Variants in MYCBP2 observed in about 807,000 individuals in gnomAD.
MYCBP2 encodes E3 ubiquitin-protein ligase MYCBP2.
A neutral mutation model predicts 525.3 loss-of-function variants in MYCBP2; 120 were observed. The ratio of observed to expected loss-of-function variants is 0.23; its 90% confidence interval spans 0.20 to 0.27. The LOEUF (loss-of-function observed/expected upper bound fraction) is 0.27. Ranked by LOEUF, MYCBP2 falls within the 10% of genes least tolerant of loss-of-function variation. MYCBP2 has a pLI of 1.00. For synonymous variants in MYCBP2, 1,894 were observed against 1,955.8 expected (o/e 0.97, Z 0.83); for missense variants, 4,149 against 5,657.1 (o/e 0.73, Z 8.55).
intron 1 of MYCBP2, among the ~76,000 whole-genome samples, chr13:77,300,867 A>G (rs911225627): frequency 1.3e-5 from 2 of 152,224 alleles, no homozygotes; most frequent in African/African-American, 2.4e-5. Flanking sequence ...GAGGTGGAAG[A>G]GCACTTCCAA....
At chr13:77,320,452 G>A (rs1470114058) in intron 1 of MYCBP2, among the ~76,000 whole-genome samples, 1 of 152,120 alleles carries the variant, frequency 6.6e-6, no homozygotes, top group Non-Finnish European at 1.5e-5. Context: ...TTGCAGAAGA[G>A]TACCAGCTAA....
At chr13:77,202,672 A>C (rs1213316280) in intron 26 of MYCBP2, among the ~76,000 whole-genome samples, 2 of 152,060 alleles carry the variant, frequency 1.3e-5, no homozygotes, top group Non-Finnish European at 2.9e-5. Flanking sequence ...CGAATCCAGC[A>C]GCACATCAAA....
intron 3 of MYCBP2, among the ~76,000 whole-genome samples, chr13:77,280,503 T>C (rs8001793): frequency 0.99 from 151,532 of 152,326 alleles, 75,375 homozygotes; most frequent in Middle Eastern, 1. Flanking sequence ...TATATTCTGT[T>C]ATTCTTTCAG....
chr13:77,171,748 TAAA>T, intron 37 of MYCBP2, 114 bp from the exon 38 acceptor site: 1 of 1,022,436 alleles, frequency 9.8e-7, no homozygotes, highest in Non-Finnish European at 1.4e-6. Flanking sequence ...TTTTAAAAGT[TAAA>T]AAAGTAAACA....
intron 52 of MYCBP2, among the ~76,000 whole-genome samples, chr13:77,134,888 CGAT>C (rs1279145407): frequency 6.6e-5 from 10 of 152,120 alleles, no homozygotes; most frequent in African/African-American, 2.4e-4. Flanking sequence ...TCATACTTAA[CGAT>C]GAATACACGA....
chr13:77,265,359 G>A (rs58038293), intron 8 of MYCBP2, among the ~76,000 whole-genome samples: 1 of 152,208 alleles, frequency 6.6e-6, no homozygotes, highest in African/African-American at 2.4e-5. Context: ...AAACGCAGGG[G>A]TGAGGAGTGA....
intron 3 of MYCBP2, among the ~76,000 whole-genome samples, chr13:77,280,173 G>A (rs946793220): frequency 6.6e-6 from 1 of 152,176 alleles, no homozygotes; most frequent in Non-Finnish European, 1.5e-5. Context: ...ACATTTACAA[G>A]TTTTCTGGAA....
Position 77,168,618 on chromosome 13 carries a change from T to C in MYCBP2, c.5924A>G (p.Gln1975Arg). ...AATGGCAACTGACGGAAGCAATTGTTGGACAAGGCCAAAGACTTCTACAGC... is the reference window on the plus strand; with the variant it reads ...AATGGCAACTGACGGAAGCAATTGTCGGACAAGGCCAAAGACTTCTACAGC... ...KVAVEVFGLV[Q>R]QLLPSVAILN... The change falls in exon 40 of 83, where the codon CAA (glutamine) becomes CGA (arginine). Residue 1975 changes from glutamine to arginine, a missense_variant. Gln to Arg is a conservative substitution (Grantham distance 43). Transcript: ENST00000544440. 1 of 1,614,188 alleles carries C rather than the reference T, an allele frequency of 6.2e-7. No individual in the cohort carries two copies. Among genetic ancestry groups the C allele is most frequent in the South Asian group, 1.1e-5 (1 of 91,074 alleles).
intron 82 of MYCBP2, among the ~76,000 whole-genome samples, chr13:77,047,163 T>C (rs2035739377): frequency 6.6e-6 from 1 of 152,126 alleles, no homozygotes; most frequent in Non-Finnish European, 1.5e-5. Context: ...GAAATAAAAA[T>C]AGTGAAAACA....
chr13:77,097,824 A>C lies in MYCBP2; in HGVS notation c.9330T>G (p.Ser3110=). ...FNIAPHGPDI[S]KMGSINKNKV... ...TGTTTTTGTTGATGCTACCCATCTTAGATATATCTGGTCCATGGGGTGCAA... is the reference window on the plus strand; with the variant it reads ...TGTTTTTGTTGATGCTACCCATCTTCGATATATCTGGTCCATGGGGTGCAA... Residue 3110 remains serine, a synonymous_variant, in exon 56 of 83, where the codon TCT becomes TCG. Coordinates refer to ENST00000544440, the MANE Select transcript of MYCBP2 (RefSeq NM_015057.5). 4 of 1,613,748 alleles carry C rather than the reference A, an allele frequency of 2.5e-6. No individual in the cohort carries two copies. Among genetic ancestry groups the C allele is most frequent in the Non-Finnish European group, 2.5e-6 (3 of 1,179,832 alleles).
At position 77,064,583 on chromosome 13, in the gene MYCBP2, T is replaced by C. The variant is rs1481466136; in HGVS notation, c.12672+32A>G. On this transcript the variant is annotated intron_variant, in intron 73 of 82. Coordinates refer to ENST00000544440, the MANE Select transcript of MYCBP2 (RefSeq NM_015057.5). ...AGAACACGCAATGATACACACCAAA[T>C]TTAAAACAAAACAAAACAAAGCAAA... 13 of 1,563,458 alleles carry C rather than the reference T, an allele frequency of 8.3e-6. No individual in the cohort carries two copies. The African/African-American group carries it at 1.6e-4, about 20-fold the overall frequency.
At chr13:77,061,133 G>A (rs1485595886) in intron 76 of MYCBP2, 36 bp downstream of exon 76, 65 of 1,573,318 alleles carry the variant, frequency 4.1e-5, no homozygotes, top group Non-Finnish European at 5.2e-5. Flanking sequence ...TTTTTTGTGG[G>A]TTTTAAAGGC....
intron 1 of MYCBP2, among the ~76,000 whole-genome samples, chr13:77,303,282 T>G (rs4885449): frequency 0.58 from 87,552 of 152,104 alleles, 28,573 homozygotes; most frequent in Non-Finnish European, 0.74. Flanking sequence ...GCAGTGTGCG[T>G]AGATCACACC....
intron 44 of MYCBP2, 33 bp downstream of exon 44, chr13:77,161,873 C>T (rs761788133): frequency 1.9e-6 from 3 of 1,550,718 alleles, no homozygotes; most frequent in Non-Finnish European, 2.6e-6. Flanking sequence ...AATTAATGTA[C>T]AAAGTTTATC....
At chr13:77,272,500 T>C (rs1261359977) in intron 5 of MYCBP2, 1 of 152,238 alleles carries the variant, frequency 6.6e-6, no homozygotes, top group Non-Finnish European at 1.5e-5. Flanking sequence ...TGTGTTACTT[T>C]ATTACAATTT....
At chr13:77,085,049 G>T (rs73239454) in intron 62 of MYCBP2, among the ~76,000 whole-genome samples, 3,360 of 151,862 alleles carry the variant, frequency 0.022, 57 homozygotes, top group Middle Eastern at 0.075. Context: ...TAAATATTTT[G>T]CCCAGCTTTT....
At chr13:77,260,675 A>T (rs1345290282) in intron 12 of MYCBP2, 83 bp from the exon 13 acceptor site, 7 of 1,229,614 alleles carry the variant, frequency 5.7e-6, no homozygotes. Context: ...CTAAAAAAAA[A>T]ACCCATATTA....
chr13:77,245,587 C>T (rs1567035545), intron 15 of MYCBP2, among the ~76,000 whole-genome samples: 1 of 148,248 alleles, frequency 6.7e-6, no homozygotes, highest in African/African-American at 2.5e-5. Flanking sequence ...AAGGGAACAT[C>T]ACATACTGGG....
intron 68 of MYCBP2, among the ~76,000 whole-genome samples, chr13:77,071,878 T>C (rs765670545): frequency 1.3e-5 from 2 of 152,172 alleles, no homozygotes; most frequent in Admixed American, 6.5e-5. Flanking sequence ...AAGTATACAA[T>C]ACAGTTTGAC....
Sources: allele counts gnomAD v4.1 joint callset (sites outside exome capture counted in the v4.1 genomes callset), GRCh38; gene constraint gnomAD v4.1.1; transcripts MANE v1.5; gene names NCBI Gene and HGNC (gene_info 2026-07-23, HGNC 2026-07-21).